Variants in NFATC3 observed in about 807,000 individuals in gnomAD.
NFATC3 encodes the protein nuclear factor of activated T-cells, cytoplasmic 3.
A neutral mutation model predicts 98.6 loss-of-function variants in NFATC3; 46 were observed. That is an observed-to-expected ratio of 0.47 (90% CI 0.37 to 0.60). The LOEUF is 0.60. Ranked by LOEUF, NFATC3 falls within the 20% of genes least tolerant of loss-of-function variation. The probability of loss-of-function intolerance (pLI) is 0.00; values close to 1 mark genes in which losing one functional copy is unlikely to be tolerated. For missense variants in NFATC3, 1,256 were observed against 1,295.5 expected, an observed-to-expected ratio of 0.97 and a Z score of 0.47; for synonymous variants, 512 against 472.2, an observed-to-expected ratio of 1.08 and a Z score of -1.09.
intron 3 of NFATC3, among the ~76,000 whole-genome samples, chr16:68,133,190 C>A (rs2037205754): frequency 6.6e-6 from 1 of 152,120 alleles, no homozygotes. Flanking sequence ...CACATGAACC[C>A]GTGGGTGGAG....
At chr16:68,207,239 G>A (rs1167840672) in intron 9 of NFATC3, among the ~76,000 whole-genome samples, 1 of 151,762 alleles carries the variant, frequency 6.6e-6, no homozygotes, top group Non-Finnish European at 1.5e-5. Flanking sequence ...GAGCCTGGGA[G>A]GCAAAGGTTG....
chr16:68,203,447 C>T (rs571690558), intron 9 of NFATC3, among the ~76,000 whole-genome samples: 2 of 152,000 alleles, frequency 1.3e-5, no homozygotes, highest in East Asian at 3.9e-4. Context: ...GCTTGGGCAA[C>T]ATGGTGAAAC....
At chr16:68,114,667 C>T (rs547463171) in intron 1 of NFATC3, among the ~76,000 whole-genome samples, 1 of 151,888 alleles carries the variant, frequency 6.6e-6, no homozygotes, top group South Asian at 2.1e-4. Context: ...CTCCGACTCC[C>T]TGGTTCAAAT....
chr16:68,085,675 C>G lies in NFATC3; in HGVS notation c.-7C>G. 1 of 1,512,220 alleles carries G rather than the reference C, an allele frequency of 6.6e-7. No individual in the cohort carries two copies. Among genetic ancestry groups the G allele is most frequent in the Non-Finnish European group, 8.8e-7 (1 of 1,132,410 alleles). 93.7% of individuals were successfully genotyped at this position (1,512,220 alleles called of 1,614,324 possible). On this transcript the variant is annotated 5_prime_UTR_variant, in exon 1 of 10. Transcript: ENST00000346183. Reference sequence around the variant, plus strand: ...GAGGAGGAGCTGCAGCACCCTGGGCCACGCCGATGACTACTGCAAACTGTG... The same window carrying G: ...GAGGAGGAGCTGCAGCACCCTGGGCGACGCCGATGACTACTGCAAACTGTG...
At chr16:68,148,275 C>T (rs962812115) in intron 3 of NFATC3, among the ~76,000 whole-genome samples, 1 of 152,116 alleles carries the variant, frequency 6.6e-6, no homozygotes, top group Non-Finnish European at 1.5e-5. Context: ...CTAGGCCTCC[C>T]AAAGTGCTGG....
At chr16:68,200,200 G>C (rs2040856728) in intron 9 of NFATC3, 1 of 151,760 alleles carries the variant, frequency 6.6e-6, no homozygotes, top group Non-Finnish European at 1.5e-5. Context: ...TGCTTGAACC[G>C]TGATGTTTAA....
At chr16:68,192,823 A>G (rs565963480) in intron 9 of NFATC3, among the ~76,000 whole-genome samples, 1 of 152,300 alleles carries the variant, frequency 6.6e-6, no homozygotes, top group South Asian at 2.1e-4. Context: ...TGATCATGCC[A>G]TTGCACTCCA....
rs1199215693 is a variant in NFATC3 at position 68,123,001 on chromosome 16, T to C, written c.1118T>C (p.Ile373Thr). The stretch of plus-strand genomic sequence containing the variant: ...TTATCACCAGCCCGGGAGACTTCAA[T>C]AGATGATGGCCTTGGATCTCAGTAT... ...GSLSPARETS[I>T]DDGLGSQYPL... The change falls in exon 2 of 10, where the codon ATA becomes ACA. Residue 373 changes from isoleucine (I) to threonine (T), a missense_variant. Physicochemically the swap from Ile to Thr is moderately conservative, Grantham distance 89. Transcript: ENST00000346183. 5.0e-6 allele frequency: 8 copies of C among 1,614,136 alleles called. No homozygotes were observed. Among genetic ancestry groups the C allele is most frequent in the South Asian group, 1.1e-5 (1 of 91,084 alleles).
intron 1 of NFATC3, among the ~76,000 whole-genome samples, chr16:68,117,634 G>A (rs2036353672): frequency 6.6e-6 from 1 of 152,064 alleles, no homozygotes; most frequent in Admixed American, 6.6e-5. Context: ...CAGCCTCTCA[G>A]GTAGCTGGGA....
rs550559343 is a variant in NFATC3 at position 68,191,275 on chromosome 16, C to T, written c.2606C>T (p.Thr869Ile). 3.7e-6 allele frequency: 6 copies of T among 1,614,084 alleles called. No individual in the cohort carries two copies. The Admixed American group carries it at 6.7e-5, about 18-fold the overall frequency. Residue 869 changes from threonine to isoleucine, a missense_variant, in exon 9 of 10, where the codon ACA (threonine) becomes ATA (isoleucine). Thr to Ile is a moderately conservative substitution (Grantham distance 89). Coordinates refer to ENST00000346183, the MANE Select transcript of NFATC3 (RefSeq NM_173165.3). Reference sequence around the variant, plus strand: ...TCAACAGGACATCTCTTAGCCCATACACCTCATTCTGTGCATACCCTGCCT... The same window carrying T: ...TCAACAGGACATCTCTTAGCCCATATACCTCATTCTGTGCATACCCTGCCT... Reference protein sequence around the residue: ...SGSTGHLLAHTPHSVHTLPHL... With the variant: ...SGSTGHLLAHIPHSVHTLPHL...
chr16:68,098,559 C>G (rs1018453579), intron 1 of NFATC3, among the ~76,000 whole-genome samples: 1 of 152,108 alleles, frequency 6.6e-6, no homozygotes, highest in Non-Finnish European at 1.5e-5. Context: ...CTCAGCGTCC[C>G]AAAGTGTTGG....
intron 1 of NFATC3, among the ~76,000 whole-genome samples, chr16:68,115,357 C>T (rs570801524): frequency 4.6e-5 from 7 of 152,214 alleles, no homozygotes; most frequent in Non-Finnish European, 7.3e-5. Context: ...CCGCTGCACC[C>T]GGCCCCAGTA....
chr16:68,115,370 T>C (rs1395328358), intron 1 of NFATC3, among the ~76,000 whole-genome samples: 1 of 152,204 alleles, frequency 6.6e-6, no homozygotes, highest in African/African-American at 2.4e-5. Flanking sequence ...CCCCAGTAAA[T>C]GACTTTCTTT....
chr16:68,156,611 C>T (rs779856124), intron 3 of NFATC3, among the ~76,000 whole-genome samples: 1 of 152,058 alleles, frequency 6.6e-6, no homozygotes, highest in African/African-American at 2.4e-5. Flanking sequence ...GAGAAAAAAA[C>T]CTTTGACAAA....
intron 9 of NFATC3, among the ~76,000 whole-genome samples, chr16:68,224,405 T>A (rs2041972468): frequency 6.6e-6 from 1 of 150,538 alleles, no homozygotes; most frequent in Non-Finnish European, 1.5e-5. Flanking sequence ...GCCTCCTGAG[T>A]AGCTGGGATT....
intron 9 of NFATC3, chr16:68,209,588 G>T: frequency 2.8e-6 from 1 of 351,842 alleles, no homozygotes; most frequent in Non-Finnish European, 5.6e-6. Flanking sequence ...TGAAGGGTCA[G>T]GCCCATCTTT....
intron 3 of NFATC3, chr16:68,138,646 A>G: frequency 7.8e-7 from 1 of 1,288,842 alleles, no homozygotes; most frequent in Non-Finnish European, 1.0e-6. Context: ...AATCATCACC[A>G]CTTACAATTT....
chr16:68,185,225 C>T (rs890673987), intron 8 of NFATC3, among the ~76,000 whole-genome samples: 3 of 152,158 alleles, frequency 2.0e-5, no homozygotes, highest in East Asian at 3.9e-4. Flanking sequence ...AATCCGCTTG[C>T]CTTGGCCTTC....
At chr16:68,224,125 TTAAA>T (rs754097659) in intron 9 of NFATC3, among the ~76,000 whole-genome samples, 68 of 142,240 alleles carry the variant, frequency 4.8e-4, no homozygotes, top group Middle Eastern at 3.6e-3. Context: ...ATGCACCAGT[TTAAA>T]AAAAAAAAAA....
Sources: gnomAD v4.1 joint callset for allele counts (sites outside exome capture counted in the v4.1 genomes callset) on GRCh38, gnomAD v4.1.1 for gene constraint, MANE v1.5 for transcripts, NCBI Gene and HGNC (gene_info 2026-07-23, HGNC 2026-07-21) for gene names.